The following MTUS1 variants were observed in gnomAD, a reference collection of about 807,000 sequenced individuals.
MTUS1 encodes the protein microtubule associated scaffold protein 1, also known as microtubule-associated tumor suppressor 1.
In MTUS1, 109 loss-of-function variants were observed where a neutral mutation model predicts 120.8. The observed-to-expected ratio is 0.90, with a 90% CI of 0.77 to 1.06. The LOEUF (loss-of-function observed/expected upper bound fraction) is 1.06, where lower values mean the gene tolerates loss of function less well. MTUS1 is among the 50% of genes least tolerant of loss of function. The pLI is 0.00. For synonymous variants in MTUS1, 737 were observed against 550.5 expected, an observed-to-expected ratio of 1.34 and a Z score of -4.74; for missense variants, 2,210 against 1,486.3, an observed-to-expected ratio of 1.49 and a Z score of -8.01.
At chr8:17,794,104 G>A (rs1252809494) in intron 1 of MTUS1, among the ~76,000 whole-genome samples, 1 of 152,128 alleles carries the variant, frequency 6.6e-6, no homozygotes, top group African/African-American at 2.4e-5. Flanking sequence ...AAGGCCGGTG[G>A]ATCACCTGAG....
chr8:17,678,615 G>C (rs763556725), intron 7 of MTUS1, among the ~76,000 whole-genome samples: 11 of 152,044 alleles, frequency 7.2e-5, no homozygotes, highest in Non-Finnish European at 1.5e-4. Context: ...TGCTGCATCT[G>C]ACCTCCTCCC....
chr8:17,737,893 T>A (rs2047043341), intron 3 of MTUS1, among the ~76,000 whole-genome samples: 1 of 152,202 alleles, frequency 6.6e-6, no homozygotes, highest in Non-Finnish European at 1.5e-5. Flanking sequence ...ACTGTCTCCC[T>A]CAAATTCTCA....
At chr8:17,728,766 G>T (rs969839334) in intron 3 of MTUS1, among the ~76,000 whole-genome samples, 1 of 151,554 alleles carries the variant, frequency 6.6e-6, no homozygotes, top group Non-Finnish European at 1.5e-5. Flanking sequence ...GATGGATATG[G>T]TGGGAAGATG....
rs142228775 is a variant in MTUS1 at position 17,671,117 on chromosome 8, T to C, written c.2905+4069A>G. Among the ~76,000 whole-genome samples, 179 of 152,306 alleles carry C rather than the reference T, an allele frequency of 1.2e-3. 1 individual carries two copies. The Middle Eastern group carries it at 0.017, about 14-fold the overall frequency. ...TGATGGAATAATTAGCATTCCGCTG[T>C]ATGAAAATTACACCTTAATTTAAAA... On this transcript the variant is annotated intron_variant, in intron 8 of 14. Coordinates refer to ENST00000693296, the MANE Select transcript of MTUS1 (RefSeq NM_001363059.2).
intron 6 of MTUS1, among the ~76,000 whole-genome samples, chr8:17,685,495 C>G (rs1216091386): frequency 6.6e-6 from 1 of 151,924 alleles, no homozygotes; most frequent in Non-Finnish European, 1.5e-5. Context: ...AAAAAAGTTT[C>G]CTTATTCTAA....
At chr8:17,785,071 C>T (rs1375892649) in intron 1 of MTUS1, among the ~76,000 whole-genome samples, 1 of 152,130 alleles carries the variant, frequency 6.6e-6, no homozygotes, top group Non-Finnish European at 1.5e-5. Flanking sequence ...AGGTGTGATC[C>T]ACTGCGCCCC....
At position 17,754,625 on chromosome 8, in the gene MTUS1, A is replaced by C. The variant is rs138770585; in HGVS notation, c.1183T>G (p.Leu395Val). Residue 395 changes from leucine to valine, a missense_variant, in exon 2 of 15, where the codon TTG (leucine) becomes GTG (valine). Physicochemically the swap from Leu to Val is conservative, Grantham distance 32 (BLOSUM62 1). Coordinates refer to ENST00000693296, the MANE Select transcript of MTUS1 (RefSeq NM_001363059.2). ...DLGTQNHTSE[L>V]ILSSPPGQKV... ...TGTCCTGGCGGGCTACTTAGAATCAATTCTGAGGTATGATTTTGGGTTCCC... is the reference window on the plus strand; with the variant it reads ...TGTCCTGGCGGGCTACTTAGAATCACTTCTGAGGTATGATTTTGGGTTCCC... 447 of 1,614,184 alleles carry C rather than the reference A, an allele frequency of 2.8e-4. No individual in the cohort carries two copies. The African/African-American group carries it at 5.4e-3, about 19-fold the overall frequency.
chr8:17,769,766 C>T (rs573075607), intron 1 of MTUS1, among the ~76,000 whole-genome samples: 1 of 152,178 alleles, frequency 6.6e-6, no homozygotes, highest in East Asian at 1.9e-4. Context: ...ATCCTCATCT[C>T]TTGCTGTGAA....
intron 2 of MTUS1, among the ~76,000 whole-genome samples, chr8:17,748,609 C>A (rs1353142693): frequency 1.3e-5 from 2 of 152,158 alleles, no homozygotes; most frequent in Non-Finnish European, 2.9e-5. Flanking sequence ...GTCACAGACA[C>A]CACCACCTGG....
At position 17,688,983 on chromosome 8, in the gene MTUS1, G is replaced by A. The variant is rs566612741; in HGVS notation, c.2624-4441C>T. Among the ~76,000 whole-genome samples the A allele has an allele frequency of 5.0e-4, 76 of 152,192 alleles. 1 individual carries two copies. The South Asian group carries it at 7.5e-3, about 15-fold the overall frequency. Reference sequence around the variant, plus strand: ...TCCCAACATTTTGGGAGGCCAAGGCGGGCAGATCACAAAGTCACGTGATTG... The same window carrying A: ...TCCCAACATTTTGGGAGGCCAAGGCAGGCAGATCACAAAGTCACGTGATTG... On this transcript the variant is annotated intron_variant, in intron 6 of 14. Coordinates refer to ENST00000693296, the MANE Select transcript of MTUS1 (RefSeq NM_001363059.2).
At chr8:17,708,114 C>T (rs889386431) in intron 6 of MTUS1, among the ~76,000 whole-genome samples, 1 of 152,180 alleles carries the variant, frequency 6.6e-6, no homozygotes, top group Admixed American at 6.5e-5. Flanking sequence ...TAAAGTGGAC[C>T]TTGTCAAAAT....
intron 6 of MTUS1, among the ~76,000 whole-genome samples, chr8:17,700,116 A>T (rs2130903873): frequency 6.6e-6 from 1 of 152,330 alleles, no homozygotes; most frequent in African/African-American, 2.4e-5. Context: ...GGAAAAAATA[A>T]GGAAATTTTA....
intron 6 of MTUS1, among the ~76,000 whole-genome samples, chr8:17,712,773 G>C (rs1380414779): frequency 6.9e-6 from 1 of 144,782 alleles, no homozygotes; most frequent in Admixed American, 7.3e-5. Context: ...GGTTCAAATA[G>C]TGGAGGCTGC....
chr8:17,732,908 C>A (rs1483170649), intron 3 of MTUS1, among the ~76,000 whole-genome samples: 2 of 151,956 alleles, frequency 1.3e-5, no homozygotes, highest in Non-Finnish European at 2.9e-5. Context: ...TAACCTCCTG[C>A]TGCCATCACA....
intron 2 of MTUS1, among the ~76,000 whole-genome samples, chr8:17,745,405 G>A (rs191743451): frequency 2.6e-5 from 4 of 152,280 alleles, no homozygotes; most frequent in Admixed American, 2.6e-4. Flanking sequence ...ATTCAACATA[G>A]TATTCAGCAT....
intron 2 of MTUS1, among the ~76,000 whole-genome samples, chr8:17,747,774 A>G (rs1449164652): frequency 6.6e-6 from 1 of 152,144 alleles, no homozygotes; most frequent in African/African-American, 2.4e-5. Context: ...AAAGACGTAC[A>G]TGAGACTGGG....
At chr8:17,766,892 A>G (rs1049666740) in intron 1 of MTUS1, among the ~76,000 whole-genome samples, 1 of 152,322 alleles carries the variant, frequency 6.6e-6, no homozygotes, top group Admixed American at 6.5e-5. Context: ...ATCATATTTT[A>G]AAGTATGATA....
At chr8:17,660,763 G>T (rs1460671995) in intron 8 of MTUS1, among the ~76,000 whole-genome samples, 2 of 152,022 alleles carry the variant, frequency 1.3e-5, no homozygotes, top group African/African-American at 4.8e-5. Context: ...TTATGATTTG[G>T]TCAGTAGATT....
chr8:17,649,742 C>G (rs1005607023), intron 13 of MTUS1, 104 bp downstream of exon 13: 7 of 691,808 alleles, frequency 1.0e-5, no homozygotes, highest in Non-Finnish European at 1.8e-5. Flanking sequence ...TTCTAAATAT[C>G]TTTAGGAGCA....
Sources: gnomAD v4.1 joint callset for allele counts (sites outside exome capture counted in the v4.1 genomes callset) on GRCh38, gnomAD v4.1.1 for gene constraint, MANE v1.5 for transcripts, NCBI Gene and HGNC (gene_info 2026-07-23, HGNC 2026-07-21) for gene names.